The following YPEL2 variants were observed in gnomAD, a reference collection of about 807,000 sequenced individuals.
The protein encoded by YPEL2 is protein yippee-like 2.
A neutral mutation model predicts 19.1 loss-of-function variants in YPEL2; 2 were observed. The ratio of observed to expected loss-of-function variants is 0.10; its 90% CI spans 0.04 to 0.33. The LOEUF (loss-of-function observed/expected upper bound fraction) is 0.33, where lower values mean the gene tolerates loss of function less well. Ranked by LOEUF, YPEL2 falls within the 10% of genes least tolerant of loss-of-function variation. The pLI is 1.00. For missense variants in YPEL2, 66 were observed against 140.7 expected (o/e 0.47, Z 2.68); for synonymous variants, 52 against 50.0 (o/e 1.04, Z -0.17).
At chr17:59,349,631 C>T (rs1006518634) in intron 1 of YPEL2, among the ~76,000 whole-genome samples, 1 of 152,032 alleles carries the variant, frequency 6.6e-6, no homozygotes, top group African/African-American at 2.4e-5. Context: ...GCGTGACCAC[C>T]TTCCCCGGCC....
At chr17:59,387,589 G>A (rs1189679272) in intron 2 of YPEL2, among the ~76,000 whole-genome samples, 2 of 152,182 alleles carry the variant, frequency 1.3e-5, no homozygotes, top group African/African-American at 4.8e-5. Context: ...GTTAATGGAA[G>A]CAGACGCCAG....
intron 2 of YPEL2, among the ~76,000 whole-genome samples, chr17:59,375,739 G>T (rs1251420587): frequency 5.3e-5 from 8 of 152,192 alleles, no homozygotes; most frequent in Admixed American, 2.6e-4. Context: ...TTTGTTGAAG[G>T]TAAACCCACT....
intron 4 of YPEL2, 152 bp from the exon 5 acceptor site, chr17:59,396,949 C>A (rs539140937): frequency 3.1e-5 from 15 of 482,860 alleles, no homozygotes; most frequent in African/African-American, 4.1e-5. Flanking sequence ...GAGAATCGCT[C>A]GAACCTGGGA....
intron 4 of YPEL2, among the ~76,000 whole-genome samples, chr17:59,390,280 G>A (rs968323352): frequency 3.3e-5 from 5 of 152,204 alleles, no homozygotes; most frequent in Admixed American, 2.0e-4. Context: ...GGGATTACAG[G>A]TGTGAGCCAC....
intron 2 of YPEL2, among the ~76,000 whole-genome samples, chr17:59,357,203 A>G (rs1239187128): frequency 2.6e-5 from 4 of 152,216 alleles, no homozygotes; most frequent in Non-Finnish European, 5.9e-5. Context: ...CTTACTGTCC[A>G]AAAGAAAAGA....
At chr17:59,348,555 T>G (rs2047768859) in intron 1 of YPEL2, among the ~76,000 whole-genome samples, 2 of 152,244 alleles carry the variant, frequency 1.3e-5, no homozygotes, top group African/African-American at 4.8e-5. Flanking sequence ...AGGTGGTGTA[T>G]CGAAGATCTT....
intron 1 of YPEL2, among the ~76,000 whole-genome samples, chr17:59,344,927 GT>G (rs1342341243): frequency 6.6e-6 from 1 of 152,182 alleles, no homozygotes; most frequent in East Asian, 1.9e-4. Context: ...CCAGGGACCG[GT>G]TTTGTGGAAG....
chr17:59,349,752 G>A (rs977057439), intron 1 of YPEL2, among the ~76,000 whole-genome samples: 1 of 152,000 alleles, frequency 6.6e-6, no homozygotes, highest in South Asian at 2.1e-4. Context: ...CCTCCACCTC[G>A]CAGGTTCAGG....
intron 2 of YPEL2, among the ~76,000 whole-genome samples, chr17:59,374,578 C>T (rs192475895): frequency 6.6e-6 from 1 of 151,894 alleles, no homozygotes; most frequent in Non-Finnish European, 1.5e-5. Flanking sequence ...AACCTGAAGC[C>T]CAATTAATTG....
chr17:59,380,884 A>C (rs946174861), intron 2 of YPEL2, among the ~76,000 whole-genome samples: 2 of 152,190 alleles, frequency 1.3e-5, no homozygotes, highest in African/African-American at 4.8e-5. Context: ...GGAGACATTG[A>C]ATTGCAAAGT....
intron 2 of YPEL2, among the ~76,000 whole-genome samples, chr17:59,384,005 C>G (rs1567757043): frequency 1.3e-5 from 2 of 152,106 alleles, no homozygotes; most frequent in Non-Finnish European, 2.9e-5. Flanking sequence ...TAAACATAGG[C>G]TTTCGTTTCA....
At chr17:59,389,644 A>G (rs1347594162) in intron 4 of YPEL2, among the ~76,000 whole-genome samples, 176 bp downstream of exon 4, 1 of 151,802 alleles carries the variant, frequency 6.6e-6, no homozygotes, top group African/African-American at 2.4e-5. Flanking sequence ...CCCTCCTCCT[A>G]TTCATTCCTT....
chr17:59,340,623 G>A (rs2047724211), intron 1 of YPEL2, among the ~76,000 whole-genome samples: 1 of 151,188 alleles, frequency 6.6e-6, no homozygotes, highest in Non-Finnish European at 1.5e-5. Context: ...CACCGTGTTA[G>A]CCAGGATGAT....
At position 59,398,749 on chromosome 17, in the gene YPEL2, A is replaced by G. The variant is rs1457937721; in HGVS notation, c.*1559A>G. On this transcript the variant is annotated 3_prime_UTR_variant, in exon 5 of 5. Transcript: ENST00000312655. Reference sequence around the variant, plus strand: ...GTGTGCGTGTTAGGTAATTCTCAGCATCTCCTCCAAGTAGGCCGACCTTCT... The same window carrying G: ...GTGTGCGTGTTAGGTAATTCTCAGCGTCTCCTCCAAGTAGGCCGACCTTCT... 1 of 152,188 alleles carries G rather than the reference A, an allele frequency of 6.6e-6. No individual in the cohort carries two copies. The highest frequency in any genetic ancestry group is 2.4e-5 in the African/African-American group (1 of 41,432). The allele number at this position is 152,188 out of a possible 1,614,324, so 9.4% of individuals were successfully genotyped here. A position where few individuals can be genotyped will look rare whatever the true frequency, so the allele number is the denominator to read the frequency against.
intron 2 of YPEL2, chr17:59,356,302 GCA>G (rs2047812481): frequency 1.4e-5 from 1 of 72,750 alleles, no homozygotes. Context: ...TTCGTTTGGT[GCA>G]AAAAAAAAAA....
At chr17:59,340,496 G>C (rs2047723415) in intron 1 of YPEL2, among the ~76,000 whole-genome samples, 1 of 148,918 alleles carries the variant, frequency 6.7e-6, no homozygotes, top group African/African-American at 2.5e-5. Context: ...GCTCACTGCA[G>C]GCTCCGCCCT....
At chr17:59,364,908 G>A (rs942449868) in intron 2 of YPEL2, among the ~76,000 whole-genome samples, 2 of 152,156 alleles carry the variant, frequency 1.3e-5, no homozygotes, top group African/African-American at 2.4e-5. Context: ...CTGGGATTAC[G>A]GGTATGAGCC....
At chr17:59,395,807 G>A (rs1426405356) in intron 4 of YPEL2, among the ~76,000 whole-genome samples, 1 of 152,112 alleles carries the variant, frequency 6.6e-6, no homozygotes, top group Non-Finnish European at 1.5e-5. Flanking sequence ...GTCCGGGCGC[G>A]GTGGCTCACA....
rs537507136 is a variant in YPEL2, at chr17:59,378,214, T to G, written c.118-10113T>G. ...GGCCCATCCCTGAAAGTGGCTTAGT[T>G]CCCCCAAAACACTTCTGATACCTTG... On this transcript the variant is annotated intron_variant, in intron 2 of 4. Transcript: ENST00000312655. Among the ~76,000 whole-genome samples the G allele has an allele frequency of 1.5e-4, 23 of 152,040 alleles. 1 individual carries two copies. The highest frequency in any genetic ancestry group is 1.0e-4 in the Non-Finnish European group (7 of 68,010).
Sources: allele counts gnomAD v4.1 joint callset (sites outside exome capture counted in the v4.1 genomes callset), GRCh38; gene constraint gnomAD v4.1.1; transcripts MANE v1.5; gene names NCBI Gene and HGNC (gene_info 2026-07-23, HGNC 2026-07-21).